The following GRM8 variants were observed in gnomAD, a reference collection of about 807,000 sequenced individuals.
The protein encoded by GRM8 is metabotropic glutamate receptor 8.
GRM8 carries 47 observed loss-of-function variants against 87.2 expected under a neutral mutation model. The observed-to-expected ratio is 0.54, with a 90% CI of 0.43 to 0.69. GRM8 has a LOEUF of 0.69. Among genes scored for constraint, GRM8 ranks in the 30% least tolerant of loss-of-function variants. The pLI, the probability that GRM8 is intolerant of heterozygous loss-of-function variation, is 0.00. For missense variants in GRM8, 1,019 were observed against 1,139.2 expected (o/e 0.89, Z 1.52); for synonymous variants, 396 against 404.5 (o/e 0.98, Z 0.25).
intron 3 of GRM8, among the ~76,000 whole-genome samples, chr7:126,983,487 G>A (rs1052610095): frequency 6.6e-6 from 1 of 151,810 alleles, no homozygotes; most frequent in Non-Finnish European, 1.5e-5. Flanking sequence ...AAGTGGAAGT[G>A]GCACCTCTTA....
intron 3 of GRM8, among the ~76,000 whole-genome samples, chr7:126,973,671 A>C (rs2131796772): frequency 6.6e-6 from 1 of 152,286 alleles, no homozygotes; most frequent in East Asian, 1.9e-4. Flanking sequence ...TCCCCCTCAG[A>C]GATGTTGATG....
At chr7:127,141,607 T>C (rs1828258445) in intron 2 of GRM8, among the ~76,000 whole-genome samples, 1 of 152,204 alleles carries the variant, frequency 6.6e-6, no homozygotes, top group South Asian at 2.1e-4. Context: ...TCAATTTCTC[T>C]ACCTCATCTC....
At chr7:127,208,090 CTA>C (rs1424678939) in intron 2 of GRM8, among the ~76,000 whole-genome samples, 3 of 152,140 alleles carry the variant, frequency 2.0e-5, no homozygotes, top group African/African-American at 7.2e-5. Context: ...TAACTTTCTC[CTA>C]ATAAGAGACC....
chr7:126,864,195 T>A (rs1277897034), intron 6 of GRM8, among the ~76,000 whole-genome samples: 1 of 151,984 alleles, frequency 6.6e-6, no homozygotes, highest in African/African-American at 2.4e-5. Flanking sequence ...AAGATTACCT[T>A]CCCATTTCAT....
chr7:126,463,859 T>C (rs1424309773), intron 9 of GRM8, among the ~76,000 whole-genome samples: 2 of 151,692 alleles, frequency 1.3e-5, no homozygotes, highest in Non-Finnish European at 3.0e-5. Flanking sequence ...GAAACAACTA[T>C]TGCCAATCTC....
chr7:126,984,038 T>C (rs1219229764), intron 3 of GRM8, among the ~76,000 whole-genome samples: 1 of 152,164 alleles, frequency 6.6e-6, no homozygotes, highest in African/African-American at 2.4e-5. Flanking sequence ...TATCTTCATT[T>C]TATTTCCTTT....
At chr7:127,068,690 C>T (rs1289928882) in intron 3 of GRM8, among the ~76,000 whole-genome samples, 2 of 152,134 alleles carry the variant, frequency 1.3e-5, no homozygotes, top group South Asian at 2.1e-4. Flanking sequence ...TACCAACTAC[C>T]GACTGAAGAC....
At chr7:127,152,805 C>T (rs1792480445) in intron 2 of GRM8, among the ~76,000 whole-genome samples, 1 of 152,032 alleles carries the variant, frequency 6.6e-6, no homozygotes. Flanking sequence ...AAAGGTAAAA[C>T]CATGAATAAA....
intron 3 of GRM8, among the ~76,000 whole-genome samples, chr7:127,085,682 T>C (rs1823396367): frequency 2.6e-5 from 4 of 152,222 alleles, no homozygotes; most frequent in Admixed American, 2.6e-4. Flanking sequence ...CTTGTTTAAG[T>C]TCTTTGTAGA....
At chr7:127,075,827 C>G (rs923905303) in intron 3 of GRM8, 1 of 177,676 alleles carries the variant, frequency 5.6e-6, no homozygotes, top group African/African-American at 2.4e-5. Flanking sequence ...GAGGGCAAAA[C>G]AGCCTGCTCA....
chr7:127,201,634 A>C (rs1233057857), intron 2 of GRM8, among the ~76,000 whole-genome samples: 2 of 152,184 alleles, frequency 1.3e-5, no homozygotes, highest in East Asian at 1.9e-4. Context: ...TAAAATGCAA[A>C]ATTTTCCTAA....
At chr7:126,559,216 G>A (rs1793453881) in intron 8 of GRM8, among the ~76,000 whole-genome samples, 1 of 148,286 alleles carries the variant, frequency 6.7e-6, no homozygotes, top group South Asian at 2.1e-4. Context: ...GCAGTGGTGC[G>A]ATCTCGGCTC....
chr7:127,250,511 T>G (rs1798809805), intron 1 of GRM8, among the ~76,000 whole-genome samples: 1 of 152,170 alleles, frequency 6.6e-6, no homozygotes, highest in African/African-American at 2.4e-5. Flanking sequence ...CCCACATCCC[T>G]TATTCAAAAG....
At chr7:126,906,517 GAC>G (rs1165075937) in intron 3 of GRM8, among the ~76,000 whole-genome samples, 1 of 152,076 alleles carries the variant, frequency 6.6e-6, no homozygotes, top group Non-Finnish European at 1.5e-5. Flanking sequence ...ATTTCAAAGA[GAC>G]TAAGACATCA....
At chr7:126,792,166 G>C (rs571703095) in intron 6 of GRM8, among the ~76,000 whole-genome samples, 1 of 152,180 alleles carries the variant, frequency 6.6e-6, no homozygotes, top group African/African-American at 2.4e-5. Context: ...GAGGATCTGA[G>C]CTTGCTCCAG....
At chr7:126,721,553 C>A (rs1243012717) in intron 7 of GRM8, among the ~76,000 whole-genome samples, 2 of 152,086 alleles carry the variant, frequency 1.3e-5, no homozygotes, top group African/African-American at 4.8e-5. Flanking sequence ...TTCCCAGGTT[C>A]ATCAAAAAAA....
At chr7:127,047,323 C>A (rs1586846632) in intron 3 of GRM8, among the ~76,000 whole-genome samples, 2 of 152,160 alleles carry the variant, frequency 1.3e-5, no homozygotes, top group South Asian at 4.1e-4. Context: ...GCATATTAAA[C>A]TGCTCTTGTT....
At chr7:126,709,210 G>A (rs1234981758) in intron 7 of GRM8, among the ~76,000 whole-genome samples, 1 of 152,064 alleles carries the variant, frequency 6.6e-6, no homozygotes, top group Non-Finnish European at 1.5e-5. Flanking sequence ...TTAGAGAAAT[G>A]CAAATTAAAA....
chr7:126,996,250 T>G (rs577065127), intron 3 of GRM8, among the ~76,000 whole-genome samples: 2 of 151,962 alleles, frequency 1.3e-5, no homozygotes, highest in South Asian at 2.1e-4. Context: ...CAATAAGAAA[T>G]CATCTGAAGG....
Sources: gnomAD v4.1 joint callset for allele counts (sites outside exome capture counted in the v4.1 genomes callset) on GRCh38, gnomAD v4.1.1 for gene constraint, MANE v1.5 for transcripts, NCBI Gene and HGNC (gene_info 2026-07-23, HGNC 2026-07-21) for gene names.